Variants in FMNL2 observed in about 807,000 individuals in gnomAD.
FMNL2 encodes formin-like protein 2.
FMNL2 carries 51 observed loss-of-function variants against 130.2 expected under a neutral mutation model. That is an observed-to-expected ratio of 0.39 (90% CI 0.31 to 0.49). The LOEUF (loss-of-function observed/expected upper bound fraction) is 0.49, where lower values mean the gene tolerates loss of function less well. FMNL2 is among the 20% of genes least tolerant of loss of function. The pLI is 0.85. For missense variants in FMNL2, 977 were observed against 1,316.2 expected (o/e 0.74, Z 3.99); for synonymous variants, 465 against 467.1 (o/e 1.00, Z 0.06).
At chr2:152,454,436 T>C (rs1471991539) in intron 1 of FMNL2, among the ~76,000 whole-genome samples, 1 of 150,326 alleles carries the variant, frequency 6.7e-6, no homozygotes, top group Non-Finnish European at 1.5e-5. Context: ...GACACTAAGG[T>C]GAAAATCTTC....
In FMNL2 at chr2:152,629,869, A is replaced by G. The variant is rs774648739; in HGVS notation, c.2514A>G (p.Gly838=). Reference sequence around the variant, plus strand: ...ACTACATGAATAGCAGTAAAAGAGGAGCAGTTTATGGATTTAAACTTCAGA... The same window carrying G: ...ACTACATGAATAGCAGTAAAAGAGGGGCAGTTTATGGATTTAAACTTCAGA... ...LGNYMNSSKR[G]AVYGFKLQSL... The change falls in exon 20 of 26, where the codon GGA becomes GGG. Residue 838 remains glycine (G), a synonymous_variant. Coordinates refer to ENST00000288670, the MANE Select transcript of FMNL2 (RefSeq NM_052905.4). The G allele has an allele frequency of 1.2e-6, 2 of 1,612,414 alleles. No homozygotes were observed.
intron 1 of FMNL2, among the ~76,000 whole-genome samples, chr2:152,454,813 A>G (rs1688862151): frequency 6.6e-6 from 1 of 152,212 alleles, no homozygotes; most frequent in African/African-American, 2.4e-5. Flanking sequence ...TGGTCAGAGA[A>G]AGGGCCAAAG....
intron 9 of FMNL2, among the ~76,000 whole-genome samples, chr2:152,583,577 T>G (rs1277217919): frequency 6.6e-6 from 1 of 152,198 alleles, no homozygotes; most frequent in Non-Finnish European, 1.5e-5. Flanking sequence ...TTCTCAGAAC[T>G]ATGGTGCTAC....
chr2:152,402,070 T>C (rs1250342154), intron 1 of FMNL2, among the ~76,000 whole-genome samples: 1 of 151,770 alleles, frequency 6.6e-6, no homozygotes, highest in South Asian at 2.1e-4. Flanking sequence ...ACCCAGCTAA[T>C]TTTTTGTATT....
chr2:152,460,350 G>A (rs1689171423), intron 1 of FMNL2, among the ~76,000 whole-genome samples: 1 of 152,206 alleles, frequency 6.6e-6, no homozygotes, highest in Non-Finnish European at 1.5e-5. Context: ...TGTCCTGCCA[G>A]ATAAAAGACT....
chr2:152,574,451 A>G (rs867341413), intron 6 of FMNL2, among the ~76,000 whole-genome samples: 4 of 148,690 alleles, frequency 2.7e-5, no homozygotes, highest in African/African-American at 7.4e-5. Flanking sequence ...AAAAAAAAAA[A>G]AAAGAAAAGA....
In FMNL2 at chr2:152,617,187, G is replaced by A. The variant is rs372559626; in HGVS notation, c.1309G>A (p.Val437Ile). ...LMQRNKELDV[V>I]REIYKDANTQ... is the part of the protein sequence containing the mutation. ...GCAGAGGAACAAGGAGCTGGATGTC[G>A]TTCGGGTAAGTGTAATGATGACAAC... The change falls in exon 13 of 26, where the codon GTT (valine) becomes ATT (isoleucine). Residue 437 changes from valine to isoleucine, a missense_variant. Val to Ile is a conservative substitution (Grantham distance 29). Coordinates refer to ENST00000288670, the MANE Select transcript of FMNL2 (RefSeq NM_052905.4). The A allele has an allele frequency of 2.0e-5, 32 of 1,613,778 alleles. No individual in the cohort carries two copies. In the African/African-American group the frequency reaches 3.1e-4, roughly 15 times the overall value.
At chr2:152,425,217 T>A (rs1687139075) in intron 1 of FMNL2, among the ~76,000 whole-genome samples, 1 of 152,182 alleles carries the variant, frequency 6.6e-6, no homozygotes, top group African/African-American at 2.4e-5. Context: ...GAAAATCCAA[T>A]ATGGGCCTTA....
At chr2:152,587,775 G>C (rs1280855990) in intron 9 of FMNL2, among the ~76,000 whole-genome samples, 1 of 152,210 alleles carries the variant, frequency 6.6e-6, no homozygotes, top group African/African-American at 2.4e-5. Flanking sequence ...AAATGTGAGT[G>C]CTTTCTATGT....
chr2:152,529,738 C>T (rs186887924), intron 2 of FMNL2, among the ~76,000 whole-genome samples: 1 of 152,238 alleles, frequency 6.6e-6, no homozygotes, highest in East Asian at 1.9e-4. Flanking sequence ...GAGAAAAATG[C>T]TGGCCTACCC....
chr2:152,556,120 GA>G (rs1457308494), intron 4 of FMNL2, among the ~76,000 whole-genome samples: 1 of 152,214 alleles, frequency 6.6e-6, no homozygotes, highest in Non-Finnish European at 1.5e-5. Context: ...TCCAAGTCAA[GA>G]AGGGGTAGGG....
intron 2 of FMNL2, among the ~76,000 whole-genome samples, chr2:152,531,074 A>G (rs1693661569): frequency 6.6e-6 from 1 of 152,228 alleles, no homozygotes; most frequent in South Asian, 2.1e-4. Context: ...ATCCTTATAC[A>G]GATGTTTCTT....
chr2:152,390,697 ACTCTT>A (rs1685062449), intron 1 of FMNL2: 1 of 745,440 alleles, frequency 1.3e-6, no homozygotes, highest in African/African-American at 1.7e-5. Flanking sequence ...CTTCTTTCCC[ACTCTT>A]CTCTGGCCCT....
At chr2:152,615,969 G>T (rs987566106) in intron 12 of FMNL2, among the ~76,000 whole-genome samples, 1 of 152,096 alleles carries the variant, frequency 6.6e-6, no homozygotes, top group Non-Finnish European at 1.5e-5. Flanking sequence ...TAAAAGTGCC[G>T]CTATGACCCA....
intron 25 of FMNL2, chr2:152,643,458 G>GT: frequency 6.5e-7 from 1 of 1,536,118 alleles, no homozygotes; most frequent in Non-Finnish European, 8.7e-7. Flanking sequence ...ACCGCCAAGC[G>GT]TGGCTCTCGG....
chr2:152,569,784 A>G (rs1696074843), intron 6 of FMNL2, among the ~76,000 whole-genome samples: 1 of 151,898 alleles, frequency 6.6e-6, no homozygotes, highest in South Asian at 2.1e-4. Context: ...CAAGGTGGGC[A>G]GATCACTTGA....
At chr2:152,559,433 A>C (rs1411479427) in intron 5 of FMNL2, among the ~76,000 whole-genome samples, 1 of 152,092 alleles carries the variant, frequency 6.6e-6, no homozygotes, top group Non-Finnish European at 1.5e-5. Context: ...CCTCCTGAGA[A>C]GCTGGGATTA....
In FMNL2 at chr2:152,421,036, C is replaced by T. The variant is rs1579623417; in HGVS notation, c.117+85316C>T. 2.0e-5 allele frequency among the ~76,000 whole-genome samples: 3 copies of T among 152,270 alleles called. No homozygotes were observed. In the South Asian group the frequency reaches 6.2e-4, roughly 32 times the overall value. On this transcript the variant is annotated intron_variant, in intron 1 of 25. Transcript: ENST00000288670. ...CTTGTATGTGGGGACATTTTGGAAA[C>T]ACATAATACTGTGTAAGCATTGTTA... is the stretch of plus-strand genomic sequence containing the variant.
chr2:152,493,546 A>AT (rs1341889815), intron 1 of FMNL2, among the ~76,000 whole-genome samples: 1 of 152,140 alleles, frequency 6.6e-6, no homozygotes, highest in East Asian at 1.9e-4. Flanking sequence ...ATGGGGGTGG[A>AT]TCCTTCATGA....
Sources: gnomAD v4.1 joint callset for allele counts (sites outside exome capture counted in the v4.1 genomes callset) on GRCh38, gnomAD v4.1.1 for gene constraint, MANE v1.5 for transcripts, NCBI Gene and HGNC (gene_info 2026-07-23, HGNC 2026-07-21) for gene names.